The following GRXCR1 variants were observed in gnomAD, a reference collection of about 807,000 sequenced individuals.
GRXCR1 encodes the protein glutaredoxin and cysteine rich domain containing 1, also known as glutaredoxin domain-containing cysteine-rich protein 1.
GRXCR1 carries 27 observed loss-of-function variants against 27.3 expected under a neutral mutation model. The ratio of observed to expected loss-of-function variants is 0.99; its 90% confidence interval spans 0.73 to 1.37. The LOEUF is 1.37. GRXCR1 is among the 40% of genes most tolerant of loss of function. GRXCR1 has a pLI of 0.00. For missense variants in GRXCR1, 379 were observed against 354.4 expected, an observed-to-expected ratio of 1.07 and a Z score of -0.56; for synonymous variants, 122 against 131.1, an observed-to-expected ratio of 0.93 and a Z score of 0.47.
intron 1 of GRXCR1, among the ~76,000 whole-genome samples, chr4:42,926,710 T>C (rs182437921): frequency 8.5e-5 from 13 of 152,174 alleles, no homozygotes; most frequent in Admixed American, 7.9e-4. Context: ...ACTTATGCTC[T>C]AATTGGGGAT....
rs2218826 is a variant in GRXCR1 at position 42,904,869 on chromosome 4, A to T, written c.384+11219A>T. ...ATAGCTACTGTAACATATGGCAAGA[A>T]CTCAAGAGCTTATTAAGGAACAGAG... On this transcript the variant is annotated intron_variant, in intron 1 of 3. Coordinates refer to ENST00000399770, the MANE Select transcript of GRXCR1 (RefSeq NM_001080476.3). Among the ~76,000 whole-genome samples, 584 of 152,260 alleles carry T rather than the reference A, an allele frequency of 3.8e-3. 2 individuals carry two copies. The highest frequency in any genetic ancestry group is 5.4e-3 in the Non-Finnish European group (365 of 68,010).
intron 1 of GRXCR1, among the ~76,000 whole-genome samples, chr4:42,962,208 G>A (rs950682339): frequency 2.0e-5 from 3 of 151,880 alleles, no homozygotes; most frequent in Non-Finnish European, 4.4e-5. Flanking sequence ...CCTCCAGTGT[G>A]TCTGATTCCT....
intron 1 of GRXCR1, among the ~76,000 whole-genome samples, chr4:42,916,550 C>T (rs1390815041): frequency 6.6e-6 from 1 of 152,000 alleles, no homozygotes; most frequent in African/African-American, 2.4e-5. Context: ...GATATTTCCT[C>T]CTAATTAGAT....
chr4:43,011,284 A>G (rs1200392405), intron 2 of GRXCR1, among the ~76,000 whole-genome samples: 1 of 152,162 alleles, frequency 6.6e-6, no homozygotes, highest in African/African-American at 2.4e-5. Context: ...ATGAAGGAGA[A>G]CTTTATAGAC....
intron 1 of GRXCR1, among the ~76,000 whole-genome samples, chr4:42,916,245 C>G (rs1207569822): frequency 1.2e-4 from 19 of 152,150 alleles, no homozygotes; most frequent in Admixed American, 1.2e-3. Context: ...TCAGCAGACC[C>G]AGAGAGCAAT....
At chr4:42,980,617 T>G (rs1315100245) in intron 2 of GRXCR1, among the ~76,000 whole-genome samples, 1 of 152,018 alleles carries the variant, frequency 6.6e-6, no homozygotes, top group African/African-American at 2.4e-5. Context: ...TTCTGCAGCT[T>G]TTTAATGTTC....
chr4:42,927,785 A>T (rs900255836), intron 1 of GRXCR1, among the ~76,000 whole-genome samples: 1 of 151,974 alleles, frequency 6.6e-6, no homozygotes, highest in Non-Finnish European at 1.5e-5. Context: ...GAAGTAGGAA[A>T]GTGGGGAGGG....
chr4:42,923,318 G>A (rs894243558), intron 1 of GRXCR1, among the ~76,000 whole-genome samples: 13 of 152,262 alleles, frequency 8.5e-5, no homozygotes, highest in African/African-American at 2.9e-4. Flanking sequence ...AAACCCAAGA[G>A]AGGCTGTTGA....
intron 1 of GRXCR1, among the ~76,000 whole-genome samples, chr4:42,933,304 C>T (rs1747374651): frequency 6.6e-6 from 1 of 151,832 alleles, no homozygotes; most frequent in Non-Finnish European, 1.5e-5. Flanking sequence ...GAGTCAGAGC[C>T]ATGTTGCTTG....
intron 1 of GRXCR1, among the ~76,000 whole-genome samples, chr4:42,894,695 G>T (rs376081296): frequency 8.2e-5 from 7 of 84,886 alleles, no homozygotes; most frequent in Middle Eastern, 7.2e-3. Context: ...GACAGCAAAG[G>T]TTCTTTTTAA....
At chr4:42,936,130 A>T (rs931612583) in intron 1 of GRXCR1, among the ~76,000 whole-genome samples, 7 of 151,914 alleles carry the variant, frequency 4.6e-5, no homozygotes, top group Non-Finnish European at 1.0e-4. Context: ...GGTGAGAATT[A>T]TCCCTCTTTG....
intron 2 of GRXCR1, among the ~76,000 whole-genome samples, chr4:42,988,975 A>C (rs569417409): frequency 6.6e-6 from 1 of 152,322 alleles, no homozygotes; most frequent in South Asian, 2.1e-4. Flanking sequence ...GTGACCTTAA[A>C]CACTTCAACT....
chr4:42,973,472 GT>G (rs1046141896), intron 2 of GRXCR1, among the ~76,000 whole-genome samples: 1,711 of 147,434 alleles, frequency 0.012, 33 homozygotes, highest in African/African-American at 0.04. Flanking sequence ...CCTTGCCGAT[GT>G]TTTTTTTTTC....
chr4:43,029,216 A>G (rs575234715), intron 3 of GRXCR1, among the ~76,000 whole-genome samples: 1 of 152,316 alleles, frequency 6.6e-6, no homozygotes, highest in Admixed American at 6.5e-5. Flanking sequence ...AACTCAGTTT[A>G]TCAGGTTTCT....
At chr4:43,027,078 C>T (rs1713279324) in intron 3 of GRXCR1, among the ~76,000 whole-genome samples, 1 of 152,184 alleles carries the variant, frequency 6.6e-6, no homozygotes, top group African/African-American at 2.4e-5. Context: ...ATGGTTGTGT[C>T]ATGTGACCAC....
At chr4:43,003,133 T>G (rs1238682759) in intron 2 of GRXCR1, among the ~76,000 whole-genome samples, 1 of 152,192 alleles carries the variant, frequency 6.6e-6, no homozygotes, top group Non-Finnish European at 1.5e-5. Context: ...GCATGCTTCC[T>G]GTTAAGCCTG....
intron 2 of GRXCR1, among the ~76,000 whole-genome samples, 187 bp from the exon 3 acceptor site, chr4:43,020,167 G>A (rs1560690529): frequency 6.6e-6 from 1 of 152,016 alleles, no homozygotes; most frequent in African/African-American, 2.4e-5. Context: ...AGACTTACTA[G>A]ATGGAAGAGT....
At chr4:42,922,404 A>G (rs1326049033) in intron 1 of GRXCR1, among the ~76,000 whole-genome samples, 1 of 152,028 alleles carries the variant, frequency 6.6e-6, no homozygotes, top group East Asian at 1.9e-4. Context: ...TCAGCTGCAA[A>G]TTGCCACCCC....
At chr4:43,009,732 T>C (rs1712677950) in intron 2 of GRXCR1, among the ~76,000 whole-genome samples, 1 of 152,010 alleles carries the variant, frequency 6.6e-6, no homozygotes, top group Non-Finnish European at 1.5e-5. Context: ...CTCAGGGCTC[T>C]GCCTTCATAA....
Sources: gnomAD v4.1 joint callset for allele counts (sites outside exome capture counted in the v4.1 genomes callset) on GRCh38, gnomAD v4.1.1 for gene constraint, MANE v1.5 for transcripts, NCBI Gene and HGNC (gene_info 2026-07-23, HGNC 2026-07-21) for gene names.